The following CNTN5 variants were observed in gnomAD, a reference collection of about 807,000 sequenced individuals.
CNTN5 encodes the protein contactin-5.
CNTN5 carries 77 observed loss-of-function variants against 129.1 expected under a neutral mutation model. The ratio of observed to expected loss-of-function variants is 0.60; its 90% confidence interval spans 0.50 to 0.72. The LOEUF is 0.72. CNTN5 is among the 30% of genes least tolerant of loss of function. The pLI, the probability that CNTN5 is intolerant of heterozygous loss-of-function variation, is 0.00. For synonymous variants in CNTN5, 509 were observed against 465.6 expected (o/e 1.09, Z -1.20); for missense variants, 1,478 against 1,328.8 (o/e 1.11, Z -1.75).
At chr11:100,046,787 A>G (rs1942702530) in intron 9 of CNTN5, among the ~76,000 whole-genome samples, 1 of 152,208 alleles carries the variant, frequency 6.6e-6, no homozygotes, top group African/African-American at 2.4e-5. Flanking sequence ...ATGAAAAAAA[A>G]TGAATAAAAT....
chr11:100,245,413 G>T (rs534451290), intron 16 of CNTN5, among the ~76,000 whole-genome samples: 226 of 152,098 alleles, frequency 1.5e-3, no homozygotes, highest in Non-Finnish European at 2.6e-3. Flanking sequence ...TGATCTGATT[G>T]GCTTAGGCCT....
intron 1 of CNTN5, among the ~76,000 whole-genome samples, chr11:99,170,729 A>G (rs999819948): frequency 3.3e-5 from 5 of 152,176 alleles, no homozygotes; most frequent in African/African-American, 1.2e-4. Context: ...TGCATATTCA[A>G]TTTTATTTTA....
chr11:99,571,499 G>T (rs1183557618), intron 3 of CNTN5, among the ~76,000 whole-genome samples: 2 of 152,152 alleles, frequency 1.3e-5, no homozygotes, highest in South Asian at 4.1e-4. Context: ...AAACTCTGTT[G>T]TAACAGAAAT....
chr11:99,921,402 G>A (rs1454647845), intron 7 of CNTN5, among the ~76,000 whole-genome samples: 1 of 152,084 alleles, frequency 6.6e-6, no homozygotes, highest in Non-Finnish European at 1.5e-5. Flanking sequence ...CCTGGATCAT[G>A]TATATCCCAG....
intron 13 of CNTN5, among the ~76,000 whole-genome samples, chr11:100,159,882 T>C (rs79157933): frequency 0.017 from 2,537 of 151,962 alleles, 83 homozygotes; most frequent in African/African-American, 0.058. Flanking sequence ...TCAGGCAGTG[T>C]TTTTTTAAGT....
At chr11:99,780,109 T>C (rs867117894) in intron 3 of CNTN5, among the ~76,000 whole-genome samples, 1 of 152,204 alleles carries the variant, frequency 6.6e-6, no homozygotes, top group Middle Eastern at 3.4e-3. Flanking sequence ...CAACGTTGCC[T>C]CTTCTCTTGC....
chr11:99,856,395 T>G (rs1193411256), intron 6 of CNTN5, among the ~76,000 whole-genome samples: 1 of 152,156 alleles, frequency 6.6e-6, no homozygotes, highest in East Asian at 1.9e-4. Flanking sequence ...TTTCACAACT[T>G]TCTTAGAATA....
chr11:100,216,453 C>A (rs962993609), intron 15 of CNTN5, among the ~76,000 whole-genome samples: 1 of 151,996 alleles, frequency 6.6e-6, no homozygotes, highest in Non-Finnish European at 1.5e-5. Flanking sequence ...CTAAATTATG[C>A]ACTTAGGTTA....
At chr11:99,396,049 T>C (rs1941505314) in intron 2 of CNTN5, among the ~76,000 whole-genome samples, 1 of 151,800 alleles carries the variant, frequency 6.6e-6, no homozygotes, top group East Asian at 1.9e-4. Context: ...TATATATGAA[T>C]TTTAAAATGG....
chr11:99,912,765 G>A (rs1949694974), intron 6 of CNTN5, among the ~76,000 whole-genome samples: 1 of 151,054 alleles, frequency 6.6e-6, no homozygotes, highest in South Asian at 2.1e-4. Context: ...GAAAAAGAAA[G>A]GTCAGAGCAA....
At chr11:99,093,369 A>G (rs1866332152) in intron 1 of CNTN5, among the ~76,000 whole-genome samples, 1 of 152,132 alleles carries the variant, frequency 6.6e-6, no homozygotes, top group African/African-American at 2.4e-5. Context: ...AGCAAAGCAT[A>G]AATCAAATAA....
intron 2 of CNTN5, among the ~76,000 whole-genome samples, chr11:99,414,728 GCA>G (rs1942567624): frequency 6.6e-6 from 1 of 152,006 alleles, no homozygotes. Flanking sequence ...ATTATTTCAA[GCA>G]CAGAGAAGAG....
At chr11:99,313,524 GA>G (rs1164690610) in intron 1 of CNTN5, among the ~76,000 whole-genome samples, 2 of 151,900 alleles carry the variant, frequency 1.3e-5, no homozygotes, top group Non-Finnish European at 2.9e-5. Flanking sequence ...AAAGAGAGGA[GA>G]AAATTATTTA....
chr11:99,550,041 G>A (rs1304364975), intron 2 of CNTN5, among the ~76,000 whole-genome samples: 2 of 152,066 alleles, frequency 1.3e-5, no homozygotes, highest in Non-Finnish European at 2.9e-5. Context: ...CTTAAAAAAT[G>A]TTTATATTTA....
chr11:99,891,595 C>G (rs1252216110), intron 6 of CNTN5, among the ~76,000 whole-genome samples: 1 of 151,980 alleles, frequency 6.6e-6, no homozygotes, highest in Non-Finnish European at 1.5e-5. Context: ...GTTTTCTGTT[C>G]TTGTGTTAGT....
At position 99,956,939 on chromosome 11, in the gene CNTN5, T is replaced by A; in HGVS notation, c.807T>A (p.Cys269Ter). 6.2e-7 allele frequency: 1 copy of A among 1,613,950 alleles called. No individual in the cohort carries two copies. Among genetic ancestry groups the A allele is most frequent in the Non-Finnish European group, 8.5e-7 (1 of 1,179,870 alleles). Residue 269 changes from cysteine (C) to a stop codon, truncating the protein, a stop_gained, in exon 8 of 25, where the codon TGT becomes TGA. Coordinates refer to ENST00000524871, the MANE Select transcript of CNTN5 (RefSeq NM_014361.4). LOFTEE classifies it high-confidence loss of function. ...CATCAGATGTTGGCAGCTATATTTGTCTGGTGAAAAACACAGTGACGAATG... is the reference window on the plus strand; with the variant it reads ...CATCAGATGTTGGCAGCTATATTTGACTGGTGAAAAACACAGTGACGAATG... ...VQTSDVGSYI[C>*]LVKNTVTNAR...
intron 10 of CNTN5, among the ~76,000 whole-genome samples, chr11:100,064,926 T>C (rs576205873): frequency 3.3e-5 from 5 of 152,254 alleles, no homozygotes; most frequent in Admixed American, 1.3e-4. Context: ...ATGGGAAATA[T>C]TTTATGTACA....
intron 3 of CNTN5, among the ~76,000 whole-genome samples, chr11:99,736,826 T>C (rs993588885): frequency 6.6e-6 from 1 of 152,156 alleles, no homozygotes. Context: ...TACAGTCTTA[T>C]TTATATATAA....
At chr11:99,915,432 T>C (rs1452351201) in intron 6 of CNTN5, among the ~76,000 whole-genome samples, 1 of 152,170 alleles carries the variant, frequency 6.6e-6, no homozygotes, top group Non-Finnish European at 1.5e-5. Context: ...AATATTTCGT[T>C]AACTAATACT....
Sources: allele counts gnomAD v4.1 joint callset (sites outside exome capture counted in the v4.1 genomes callset), GRCh38; gene constraint gnomAD v4.1.1; transcripts MANE v1.5; gene names NCBI Gene and HGNC (gene_info 2026-07-23, HGNC 2026-07-21).